Variants in EXT1 observed in about 807,000 individuals in gnomAD.
The protein encoded by EXT1 is exostosin glycosyltransferase 1, also known as exostosin-1.
A neutral mutation model predicts 82.5 loss-of-function variants in EXT1; 20 were observed. The observed-to-expected ratio is 0.24, with a 90% confidence interval of 0.17 to 0.35. The LOEUF is 0.35. Among genes scored for constraint, EXT1 ranks in the 10% least tolerant of loss-of-function variants. The probability of loss-of-function intolerance (pLI) is 1.00; values close to 1 mark genes in which losing one functional copy is unlikely to be tolerated. For synonymous variants in EXT1, 348 were observed against 350.8 expected (o/e 0.99, Z 0.09); for missense variants, 757 against 936.5 (o/e 0.81, Z 2.50).
At chr8:117,831,356 T>C (rs191158638) in intron 3 of EXT1, among the ~76,000 whole-genome samples, 3 of 152,352 alleles carry the variant, frequency 2.0e-5, no homozygotes, top group Admixed American at 6.5e-5. Context: ...ACTTAATTAA[T>C]GTAACATCAC....
chr8:117,874,739 T>C (rs116340905), intron 1 of EXT1, among the ~76,000 whole-genome samples: 2,301 of 152,290 alleles, frequency 0.015, 59 homozygotes, highest in African/African-American at 0.053. Context: ...AAGTCTTTCA[T>C]CCAAATGGAT....
chr8:118,032,547 G>A lies in EXT1; in HGVS notation c.962+77538C>T, dbSNP rs978900600. On this transcript the variant is annotated intron_variant, in intron 1 of 10. Transcript: ENST00000378204. ...TTTTTTGAGACAGAGTTTCGCTCTC[G>A]TTGCCCAGGCTGGAGTGCAATGGCA... Among the ~76,000 whole-genome samples, 15 of 141,182 alleles carry A rather than the reference G, an allele frequency of 1.1e-4. 2 individuals carry two copies. The highest frequency in any genetic ancestry group is 1.1e-3 in the Admixed American group (14 of 13,270). The allele number at this position is 141,182 out of a possible 152,430, so 92.6% of individuals were successfully genotyped here. A position where few individuals can be genotyped will look rare whatever the true frequency, so the allele number is the denominator to read the frequency against.
intron 1 of EXT1, among the ~76,000 whole-genome samples, chr8:118,055,796 T>C (rs1816785506): frequency 6.6e-6 from 1 of 152,260 alleles, no homozygotes; most frequent in Admixed American, 6.5e-5. Context: ...GAGTGCTTAA[T>C]AAATATGGGC....
intron 1 of EXT1, among the ~76,000 whole-genome samples, chr8:118,089,112 G>A (rs1817478908): frequency 6.6e-6 from 1 of 152,094 alleles, no homozygotes; most frequent in Non-Finnish European, 1.5e-5. Flanking sequence ...AGAAAAAAAG[G>A]CCTTAATATC....
chr8:117,986,628 G>A (rs371864889), intron 1 of EXT1, among the ~76,000 whole-genome samples: 1 of 152,156 alleles, frequency 6.6e-6, no homozygotes, highest in Non-Finnish European at 1.5e-5. Flanking sequence ...ATAAAGAGAG[G>A]AACTTCAAAT....
At chr8:117,823,193 T>C (rs549356794) in intron 4 of EXT1, among the ~76,000 whole-genome samples, 1 of 152,156 alleles carries the variant, frequency 6.6e-6, no homozygotes, top group African/African-American at 2.4e-5. Context: ...TCTTGAAAAG[T>C]AGTGAGTTAA....
At chr8:117,885,160 T>G (rs1813124961) in intron 1 of EXT1, among the ~76,000 whole-genome samples, 1 of 152,170 alleles carries the variant, frequency 6.6e-6, no homozygotes, top group South Asian at 2.1e-4. Context: ...AGATAAATAA[T>G]TACTTATATA....
intron 1 of EXT1, among the ~76,000 whole-genome samples, chr8:117,910,288 T>TG (rs1267279977): frequency 2.0e-5 from 3 of 152,192 alleles, no homozygotes; most frequent in Non-Finnish European, 4.4e-5. Flanking sequence ...GAAACCGGGC[T>TG]GCCAGGAGGA....
At chr8:118,029,114 T>C (rs145756276) in intron 1 of EXT1, among the ~76,000 whole-genome samples, 1 of 152,004 alleles carries the variant, frequency 6.6e-6, no homozygotes, top group African/African-American at 2.4e-5. Context: ...TGTACAGAGA[T>C]ACATTTGTAG....
intron 1 of EXT1, among the ~76,000 whole-genome samples, chr8:118,071,621 C>T (rs576367460): frequency 2.6e-5 from 4 of 152,144 alleles, no homozygotes; most frequent in African/African-American, 9.6e-5. Flanking sequence ...GAAGATGATA[C>T]CTCTTTAGCT....
At chr8:117,982,331 T>G (rs901519986) in intron 1 of EXT1, among the ~76,000 whole-genome samples, 2 of 152,196 alleles carry the variant, frequency 1.3e-5, no homozygotes, top group African/African-American at 4.8e-5. Context: ...CTACGCTCCC[T>G]TCCCCCAATC....
At chr8:118,038,147 G>C (rs1816460548) in intron 1 of EXT1, among the ~76,000 whole-genome samples, 1 of 152,142 alleles carries the variant, frequency 6.6e-6, no homozygotes, top group Non-Finnish European at 1.5e-5. Flanking sequence ...AAAAGTGAAA[G>C]TAAGTTCAAA....
rs1437826863 is a variant in EXT1 at position 118,027,478 on chromosome 8, G to A, written c.962+82607C>T. On this transcript the variant is annotated intron_variant, in intron 1 of 10. Coordinates refer to ENST00000378204, the MANE Select transcript of EXT1 (RefSeq NM_000127.3). ...GGCATTCCCCTAAATGGCAGAGCCA[G>A]ACTCTAGCTCAAGTCTTTGGACTAT... Among the ~76,000 whole-genome samples, 3 of 152,306 alleles carry A rather than the reference G, an allele frequency of 2.0e-5. 1 individual carries two copies. Among genetic ancestry groups the A allele is most frequent in the Middle Eastern group, 6.8e-3 (2 of 294 alleles).
At chr8:117,875,463 AATAAAAT>A (rs1812953597) in intron 1 of EXT1, among the ~76,000 whole-genome samples, 1 of 150,642 alleles carries the variant, frequency 6.6e-6, no homozygotes, top group Non-Finnish European at 1.5e-5. Flanking sequence ...TAAATAAATA[AATAAAAT>A]AATAAAGGTA....
At chr8:117,839,716 G>A (rs1041536591) in intron 1 of EXT1, among the ~76,000 whole-genome samples, 6 of 152,190 alleles carry the variant, frequency 3.9e-5, no homozygotes, top group East Asian at 3.9e-4. Flanking sequence ...GTTTGACCAC[G>A]TGCTTGATCC....
chr8:118,017,052 T>A (rs1224654326), intron 1 of EXT1, among the ~76,000 whole-genome samples: 2 of 152,228 alleles, frequency 1.3e-5, no homozygotes, highest in African/African-American at 4.8e-5. Context: ...AAGGAATATG[T>A]AACATTTAGC....
rs1006291733 is a variant in EXT1 at position 117,907,576 on chromosome 8, C to T, written c.963-70375G>A. Among the ~76,000 whole-genome samples, 13 of 152,152 alleles carry T rather than the reference C, an allele frequency of 8.5e-5. 1 individual carries two copies. Among genetic ancestry groups the T allele is most frequent in the Admixed American group, 5.9e-4 (9 of 15,284 alleles). On this transcript the variant is annotated intron_variant, in intron 1 of 10. Coordinates refer to ENST00000378204, the MANE Select transcript of EXT1 (RefSeq NM_000127.3). ...AGTGACACTTAAAAATGGAAAGTTC[C>T]ATTAATTGTTAATAATGGAAAATGA...
At chr8:117,958,299 T>G (rs901201358) in intron 1 of EXT1, among the ~76,000 whole-genome samples, 1 of 152,172 alleles carries the variant, frequency 6.6e-6, no homozygotes. Context: ...AGAAACAGAA[T>G]GTATGGATAG....
chr8:118,110,225 C>A lies in EXT1; in HGVS notation c.822G>T (p.Gly274=). 6.2e-7 allele frequency: 1 copy of A among 1,614,192 alleles called. No homozygotes were observed. The highest frequency in any genetic ancestry group is 1.1e-5 in the South Asian group (1 of 91,080). The stretch of plus-strand genomic sequence containing the variant: ...AGGCATTCCTGGTGTCTGATCCTAT[C>A]CCTGTCAGGTACCTCTTCCCCTTGA... ...LVFKGKRYLT[G]IGSDTRNALY... is the part of the protein sequence containing the mutation. The change falls in exon 1 of 11, where the codon GGG becomes GGT. Residue 274 remains glycine, a synonymous_variant. Transcript: ENST00000378204.
Sources: gnomAD v4.1 joint callset for allele counts (sites outside exome capture counted in the v4.1 genomes callset) on GRCh38, gnomAD v4.1.1 for gene constraint, MANE v1.5 for transcripts, NCBI Gene and HGNC (gene_info 2026-07-23, HGNC 2026-07-21) for gene names.